The following STIM2 variants were observed in gnomAD, a reference collection of about 807,000 sequenced individuals.
The protein encoded by STIM2 is stromal interaction molecule 2.
In STIM2, 31 loss-of-function variants were observed where a neutral mutation model predicts 85.8. The observed-to-expected ratio is 0.36, with a 90% CI of 0.27 to 0.49. The LOEUF is 0.49. Among genes scored for constraint, STIM2 ranks in the 20% least tolerant of loss-of-function variants. The probability of loss-of-function intolerance (pLI) is 0.98; values close to 1 mark genes in which losing one functional copy is unlikely to be tolerated. For synonymous variants in STIM2, 356 were observed against 331.1 expected (o/e 1.08, Z -0.82); for missense variants, 841 against 927.6 (o/e 0.91, Z 1.21).
Position 26,923,521 on chromosome 4 carries a change from AG to A in STIM2, c.282+3889del, listed in dbSNP as rs1356118397. ...AGGCCTGCCCTAAAAGAGCTCCTGA[AG>A]GAAGCGCTAAACATGGAAAGGAACA... On this transcript the variant is annotated intron_variant, in intron 2 of 11. Transcript: ENST00000467087. Among the ~76,000 whole-genome samples, 16 of 146,136 alleles carry A rather than the reference AG, an allele frequency of 1.1e-4. 1 individual carries two copies. In the Admixed American group the frequency reaches 1.1e-3, roughly 10 times the overall value.
chr4:27,003,030 C>A lies in STIM2; in HGVS notation c.907C>A (p.Arg303=). ...CAATTATGCAAAGGAGGAGGCTTGTCGGCTGAGAGAGCTAAGGGAGGGAGC... is the reference window on the plus strand; with the variant it reads ...CAATTATGCAAAGGAGGAGGCTTGTAGGCTGAGAGAGCTAAGGGAGGGAGC... Residue 303 remains arginine (R), a synonymous_variant, in exon 7 of 12, where the codon CGG becomes AGG. Transcript: ENST00000467087. 6.2e-7 allele frequency: 1 copy of A among 1,603,160 alleles called. No individual in the cohort carries two copies. The highest frequency in any genetic ancestry group is 8.5e-7 in the Non-Finnish European group (1 of 1,176,164).
chr4:26,872,799 G>A (rs1014933217), intron 1 of STIM2, among the ~76,000 whole-genome samples: 1 of 152,156 alleles, frequency 6.6e-6, no homozygotes, highest in African/African-American at 2.4e-5. Flanking sequence ...ACATAAAATA[G>A]AAAATAATGT....
intron 3 of STIM2, among the ~76,000 whole-genome samples, chr4:26,994,922 C>T (rs1727900146): frequency 6.6e-6 from 1 of 152,030 alleles, no homozygotes; most frequent in Non-Finnish European, 1.5e-5. Context: ...ATAAAGTGCC[C>T]CTCCCCAAAC....
intron 1 of STIM2, among the ~76,000 whole-genome samples, chr4:26,867,289 G>A (rs1314626552): frequency 6.6e-6 from 1 of 152,110 alleles, no homozygotes; most frequent in African/African-American, 2.4e-5. Flanking sequence ...CACACTATTT[G>A]TGATAGAGAA....
chr4:27,008,656 C>A (rs1252784986), intron 9 of STIM2, 108 bp from the exon 10 acceptor site: 2 of 1,217,014 alleles, frequency 1.6e-6, no homozygotes, highest in Admixed American at 4.2e-5. Context: ...TGGGTTATTT[C>A]TTCTTGAAAT....
intron 10 of STIM2, among the ~76,000 whole-genome samples, chr4:27,013,069 G>A (rs1728610353): frequency 1.3e-5 from 2 of 151,860 alleles, no homozygotes; most frequent in Admixed American, 6.6e-5. Flanking sequence ...CATTGGATTA[G>A]CCAGTAATTT....
rs193127523 is a variant in STIM2, at chr4:26,912,368, A to G, written c.152-7136A>G. 5.9e-5 allele frequency among the ~76,000 whole-genome samples: 9 copies of G among 152,334 alleles called. No individual in the cohort carries two copies. In the East Asian group the frequency reaches 1.7e-3, roughly 29 times the overall value. On this transcript the variant is annotated intron_variant, in intron 1 of 11. Transcript: ENST00000467087. The stretch of plus-strand genomic sequence containing the variant: ...GAAATTTGCTGACTTAAATAATATT[A>G]TAGGAGGGAACCTAGCTCTAAAGAC...
At chr4:26,877,997 G>A (rs1257074573) in intron 1 of STIM2, among the ~76,000 whole-genome samples, 1 of 152,158 alleles carries the variant, frequency 6.6e-6, no homozygotes, top group Admixed American at 6.5e-5. Context: ...AGATGCTGGT[G>A]TCTTCATCTT....
At chr4:26,861,457 C>G in intron 1 of STIM2, 88 bp downstream of exon 1, 1 of 1,235,928 alleles carries the variant, frequency 8.1e-7, no homozygotes, top group Non-Finnish European at 1.0e-6. Context: ...CGCCGGACGT[C>G]CGCTATTCCG....
At chr4:26,910,026 C>A (rs1055397652) in intron 1 of STIM2, among the ~76,000 whole-genome samples, 3 of 152,058 alleles carry the variant, frequency 2.0e-5, no homozygotes, top group Admixed American at 1.3e-4. Context: ...TATGTGTGTA[C>A]CCAAATCTTT....
chr4:26,933,071 T>A (rs565014467), intron 2 of STIM2, among the ~76,000 whole-genome samples: 3 of 152,010 alleles, frequency 2.0e-5, no homozygotes, highest in Admixed American at 6.6e-5. Context: ...TAAAAGAGCT[T>A]GTGGGAGAGT....
intron 2 of STIM2, among the ~76,000 whole-genome samples, chr4:26,952,245 A>G (rs1298246730): frequency 6.6e-6 from 1 of 152,116 alleles, no homozygotes; most frequent in Admixed American, 6.6e-5. Flanking sequence ...AGTAACCTCT[A>G]TCTCTATACA....
intron 3 of STIM2, among the ~76,000 whole-genome samples, chr4:26,980,014 T>C (rs1467465764): frequency 6.6e-6 from 1 of 152,240 alleles, no homozygotes; most frequent in Non-Finnish European, 1.5e-5. Context: ...TCCTCCCATC[T>C]TGGCCTCCCA....
chr4:27,003,933 T>C (rs1228145123), intron 7 of STIM2, among the ~76,000 whole-genome samples: 2 of 152,172 alleles, frequency 1.3e-5, no homozygotes, highest in Admixed American at 6.5e-5. Flanking sequence ...CTTCTGACTT[T>C]GATGCTTTCT....
At chr4:26,997,079 G>A (rs1577486787) in intron 4 of STIM2, among the ~76,000 whole-genome samples, 1 of 151,984 alleles carries the variant, frequency 6.6e-6, no homozygotes, top group East Asian at 1.9e-4. Flanking sequence ...TTTTAGTGGA[G>A]GAGAAAGGAG....
At chr4:26,869,464 T>C (rs535527021) in intron 1 of STIM2, among the ~76,000 whole-genome samples, 1 of 152,296 alleles carries the variant, frequency 6.6e-6, no homozygotes, top group African/African-American at 2.4e-5. Flanking sequence ...GACTGTTTTG[T>C]GCCAGCTATG....
chr4:27,019,368 C>CT, intron 11 of STIM2: 1 of 1,245,894 alleles, frequency 8.0e-7, no homozygotes, highest in Non-Finnish European at 1.1e-6. Flanking sequence ...TTGGTTAACA[C>CT]TTTATGACTA....
chr4:26,921,955 A>T (rs1724814443), intron 2 of STIM2, among the ~76,000 whole-genome samples: 1 of 152,226 alleles, frequency 6.6e-6, no homozygotes, highest in Non-Finnish European at 1.5e-5. Flanking sequence ...CTTTCGATTC[A>T]AAGTAGATCA....
At chr4:27,021,241 C>A (rs938217531) in intron 11 of STIM2, 4 of 574,494 alleles carry the variant, frequency 7.0e-6, no homozygotes, top group Non-Finnish European at 1.2e-5. Context: ...TTATTTATTT[C>A]TTTTTTTCTG....
Sources: allele counts gnomAD v4.1 joint callset (sites outside exome capture counted in the v4.1 genomes callset), GRCh38; gene constraint gnomAD v4.1.1; transcripts MANE v1.5; gene names NCBI Gene and HGNC (gene_info 2026-07-23, HGNC 2026-07-21).